Variants in MACROD2 observed in about 807,000 individuals in gnomAD.
The protein encoded by MACROD2 is mono-ADP ribosylhydrolase 2, also known as ADP-ribose glycohydrolase MACROD2.
A neutral mutation model predicts 70.4 loss-of-function variants in MACROD2; 36 were observed. The observed-to-expected ratio is 0.51, with a 90% CI of 0.39 to 0.68. The LOEUF (loss-of-function observed/expected upper bound fraction) is 0.68, where lower values mean the gene tolerates loss of function less well. MACROD2 is among the 30% of genes least tolerant of loss of function. The pLI is 0.00. For synonymous variants in MACROD2, 172 were observed against 178.8 expected (o/e 0.96, Z 0.30); for missense variants, 496 against 538.4 (o/e 0.92, Z 0.78).
intron 5 of MACROD2, among the ~76,000 whole-genome samples, chr20:14,811,541 C>T (rs1463046110): frequency 6.6e-6 from 1 of 152,068 alleles, no homozygotes; most frequent in Non-Finnish European, 1.5e-5. Flanking sequence ...ATGACTAAAG[C>T]ACCAAAAGCA....
At chr20:15,705,341 A>C (rs976791066) in intron 8 of MACROD2, among the ~76,000 whole-genome samples, 1 of 152,196 alleles carries the variant, frequency 6.6e-6, no homozygotes, top group Non-Finnish European at 1.5e-5. Context: ...AGAGTGAAGC[A>C]AAAGTTGAGG....
At chr20:15,837,127 C>T (rs1032295844) in intron 8 of MACROD2, among the ~76,000 whole-genome samples, 1 of 151,946 alleles carries the variant, frequency 6.6e-6, no homozygotes, top group South Asian at 2.1e-4. Flanking sequence ...CAGGGCTGTA[C>T]CATGAAGGAT....
chr20:14,881,700 CT>C (rs1165512651), intron 5 of MACROD2, among the ~76,000 whole-genome samples: 2 of 152,072 alleles, frequency 1.3e-5, no homozygotes, highest in African/African-American at 4.8e-5. Flanking sequence ...GAGTAGTGTC[CT>C]GCACTTGTGT....
At chr20:14,630,189 A>C (rs751494026) in intron 4 of MACROD2, among the ~76,000 whole-genome samples, 1 of 152,156 alleles carries the variant, frequency 6.6e-6, no homozygotes, top group Non-Finnish European at 1.5e-5. Flanking sequence ...CCTGCCTTTC[A>C]ACAGTGTAAA....
intron 8 of MACROD2, among the ~76,000 whole-genome samples, chr20:15,573,982 T>C (rs1001114105): frequency 5.3e-5 from 8 of 152,176 alleles, no homozygotes; most frequent in African/African-American, 1.9e-4. Context: ...TGATTTTGTG[T>C]GTGACATTTC....
chr20:14,536,135 A>G (rs2085360784), intron 4 of MACROD2, among the ~76,000 whole-genome samples: 1 of 152,198 alleles, frequency 6.6e-6, no homozygotes, highest in African/African-American at 2.4e-5. Flanking sequence ...GAGTTGTCAC[A>G]AAGAACTTTC....
Position 14,284,157 on chromosome 20 carries a change from TGTTGG to T in MACROD2, c.271+198435_271+198439del, listed in dbSNP as rs201595709. On this transcript the variant is annotated intron_variant, in intron 3 of 17. Coordinates refer to ENST00000684519, the MANE Select transcript of MACROD2 (RefSeq NM_001351661.2). ...AGTGTCTGTAGATTGTTAGTAGAGG[TGTTGG>T]GTTGGACATGACTGCTGTTACTGAT... Among the ~76,000 whole-genome samples, 1,055 of 152,160 alleles carry T rather than the reference TGTTGG, an allele frequency of 6.9e-3. 5 individuals are homozygous for T. The highest frequency in any genetic ancestry group is 0.01 in the Non-Finnish European group (713 of 68,000).
chr20:15,002,315 G>C (rs1008186548), intron 5 of MACROD2, among the ~76,000 whole-genome samples: 1 of 152,064 alleles, frequency 6.6e-6, no homozygotes, highest in Non-Finnish European at 1.5e-5. Context: ...CATTCTTTTA[G>C]GAGTAGGGTG....
intron 6 of MACROD2, among the ~76,000 whole-genome samples, chr20:15,243,787 G>A (rs954138301): frequency 2.6e-5 from 4 of 151,468 alleles, no homozygotes; most frequent in Non-Finnish European, 4.4e-5. Context: ...TTAGCGGGGC[G>A]TAGTGGCGGG....
In MACROD2 at chr20:15,171,004, A is replaced by C. The variant is rs148027142; in HGVS notation, c.419-58936A>C. On this transcript the variant is annotated intron_variant, in intron 5 of 17. Coordinates refer to ENST00000684519, the MANE Select transcript of MACROD2 (RefSeq NM_001351661.2). ...AGGGCGGTCGCTGTCATCTAAGACC[A>C]TGGAAAATTTCAGAGACCCTAAGCT... Among the ~76,000 whole-genome samples, 6 of 152,246 alleles carry C rather than the reference A, an allele frequency of 3.9e-5. No homozygotes were observed. In the East Asian group the frequency reaches 1.2e-3, roughly 29 times the overall value.
chr20:15,590,077 T>G (rs1431780341), intron 8 of MACROD2, among the ~76,000 whole-genome samples: 1 of 152,158 alleles, frequency 6.6e-6, no homozygotes, highest in Non-Finnish European at 1.5e-5. Flanking sequence ...CTTAAATACA[T>G]AAAAATACTT....
chr20:14,600,475 G>A (rs1466231779), intron 4 of MACROD2, among the ~76,000 whole-genome samples: 4 of 151,876 alleles, frequency 2.6e-5, no homozygotes, highest in Non-Finnish European at 5.9e-5. Context: ...TACATTGTAA[G>A]ATATTGCAGA....
Position 14,429,662 on chromosome 20 carries a change from C to T in MACROD2, c.272-63817C>T, listed in dbSNP as rs541000931. 4.6e-5 allele frequency among the ~76,000 whole-genome samples: 7 copies of T among 152,234 alleles called. No individual in the cohort carries two copies. In the South Asian group the frequency reaches 1.5e-3, roughly 32 times the overall value. ...GATGTTTTCCTAAGTCAGGCATCAG[C>T]ACCTTTTTGCTTTTCTGCCTTTGGG... On this transcript the variant is annotated intron_variant, in intron 3 of 17. Transcript: ENST00000684519.
intron 4 of MACROD2, among the ~76,000 whole-genome samples, chr20:14,579,257 T>C (rs1252016023): frequency 6.7e-6 from 1 of 149,982 alleles, no homozygotes; most frequent in Non-Finnish European, 1.5e-5. Flanking sequence ...TTCTCCTGCC[T>C]CAGCCTCCCC....
At chr20:14,808,839 G>A (rs1363613771) in intron 5 of MACROD2, among the ~76,000 whole-genome samples, 1 of 151,406 alleles carries the variant, frequency 6.6e-6, no homozygotes, top group Non-Finnish European at 1.5e-5. Flanking sequence ...AAAAGACAAA[G>A]AAGGGCATTA....
intron 8 of MACROD2, among the ~76,000 whole-genome samples, chr20:15,756,785 T>C (rs1280177577): frequency 6.6e-6 from 1 of 152,182 alleles, no homozygotes; most frequent in Non-Finnish European, 1.5e-5. Context: ...ATGCAAGTCT[T>C]TACTATTAAG....
rs144972459 is a variant in MACROD2 at position 15,429,979 on chromosome 20, T to G, written c.541-1426T>G. On this transcript the variant is annotated intron_variant, in intron 6 of 17. Transcript: ENST00000684519. The stretch of plus-strand genomic sequence containing the variant: ...AATTATTCTACTCTCTATGTCCATG[T>G]GTACTCATTTTTTAGCTACCACTAA... Among the ~76,000 whole-genome samples the G allele has an allele frequency of 1.9e-3, 284 of 152,244 alleles. 1 individual carries two copies. The highest frequency in any genetic ancestry group is 6.5e-3 in the African/African-American group (269 of 41,572).
chr20:14,335,815 G>A (rs914303380), intron 3 of MACROD2, among the ~76,000 whole-genome samples: 7 of 152,024 alleles, frequency 4.6e-5, no homozygotes, highest in Admixed American at 3.3e-4. Context: ...AAATCTATGC[G>A]TTTTTGTAAC....
chr20:14,961,258 A>C (rs943812093), intron 5 of MACROD2, among the ~76,000 whole-genome samples: 7 of 152,186 alleles, frequency 4.6e-5, no homozygotes, highest in African/African-American at 7.2e-5. Flanking sequence ...TACTGAGAAT[A>C]TTAGAGGTGA....
Sources: gnomAD v4.1 joint callset for allele counts (sites outside exome capture counted in the v4.1 genomes callset) on GRCh38, gnomAD v4.1.1 for gene constraint, MANE v1.5 for transcripts, NCBI Gene and HGNC (gene_info 2026-07-23, HGNC 2026-07-21) for gene names.